AKAP19: variants seen among roughly 807,000 people sequenced by gnomAD.
AKAP19 encodes the protein A-kinase anchoring protein 19.
At chr2:189,944,760 C>T in the AKAP19 span, among the ~76,000 whole-genome samples, 1 of 152,148 alleles carries the variant, frequency 6.6e-6, no homozygotes, top group Non-Finnish European at 1.5e-5. Flanking sequence ...CTGACCTTTA[C>T]AGGACATTTC....
At chr2:190,191,928 CTG>C in the AKAP19 span, among the ~76,000 whole-genome samples, 2 of 150,912 alleles carry the variant, frequency 1.3e-5, no homozygotes, top group African/African-American at 4.9e-5. Context: ...AATCTTTTAA[CTG>C]TGTTTTTTTT....
the AKAP19 span, among the ~76,000 whole-genome samples, chr2:190,093,956 T>C: frequency 0.018 from 2,755 of 152,332 alleles, 78 homozygotes; most frequent in African/African-American, 0.06. Context: ...TCTGTCCTCA[T>C]CTGTCTTGTG....
the AKAP19 span, among the ~76,000 whole-genome samples, chr2:190,035,194 A>C: frequency 6.6e-6 from 1 of 152,102 alleles, no homozygotes. Context: ...TAATCCCAGC[A>C]CTTTGGGAGG....
the AKAP19 span, among the ~76,000 whole-genome samples, chr2:190,130,350 A>G: frequency 6.6e-6 from 1 of 152,242 alleles, no homozygotes; most frequent in Non-Finnish European, 1.5e-5. Context: ...TTGGGAACAA[A>G]TAAGGAGGAA....
chr2:190,155,920 A>G, the AKAP19 span, among the ~76,000 whole-genome samples: 133 of 152,198 alleles, frequency 8.7e-4, no homozygotes, highest in Admixed American at 1.7e-3. Flanking sequence ...CTTAGTATAA[A>G]AACATGAATG....
At chr2:190,019,397 TGGGTA>T in the AKAP19 span, among the ~76,000 whole-genome samples, 4 of 152,062 alleles carry the variant, frequency 2.6e-5, no homozygotes, top group Admixed American at 2.6e-4. Flanking sequence ...GTGGGGCCTT[TGGGTA>T]GGGTCAAAGA....
the AKAP19 span, among the ~76,000 whole-genome samples, chr2:189,881,928 C>T: frequency 6.6e-6 from 1 of 152,096 alleles, no homozygotes; most frequent in Non-Finnish European, 1.5e-5. Context: ...CTTGTTCTGA[C>T]TATTTGTATA....
At chr2:189,926,142 A>T in the AKAP19 span, among the ~76,000 whole-genome samples, 2 of 152,212 alleles carry the variant, frequency 1.3e-5, no homozygotes, top group African/African-American at 4.8e-5. Context: ...CAAGAGATAT[A>T]GGCATTTTTT....
chr2:189,909,788 G>C, the AKAP19 span, among the ~76,000 whole-genome samples: 1 of 152,038 alleles, frequency 6.6e-6, no homozygotes, highest in Non-Finnish European at 1.5e-5. Flanking sequence ...CGCTGATATG[G>C]TAAGGTGTAA....
the AKAP19 span, among the ~76,000 whole-genome samples, chr2:189,970,561 C>G: frequency 6.6e-6 from 1 of 152,236 alleles, no homozygotes; most frequent in East Asian, 1.9e-4. Flanking sequence ...ATGCATAACC[C>G]TATTTCATTC....
chr2:189,917,550 CTTCTT>C, the AKAP19 span: 1 of 534,780 alleles, frequency 1.9e-6, no homozygotes, highest in East Asian at 3.3e-5. Flanking sequence ...AGCTCTTACT[CTTCTT>C]TCTTTCTTAT....
the AKAP19 span, among the ~76,000 whole-genome samples, chr2:190,166,008 G>GT: frequency 6.6e-6 from 1 of 152,078 alleles, no homozygotes; most frequent in Non-Finnish European, 1.5e-5. Flanking sequence ...AAAAGAGTGA[G>GT]TTTACCACTT....
At chr2:190,180,465 G>A in the AKAP19 span, 3 of 985,490 alleles carry the variant, frequency 3.0e-6, no homozygotes, top group Non-Finnish European at 3.6e-6. The surrounding 1 kb of genome is among the most constrained non-coding windows in gnomAD (Gnocchi z 6.8). Flanking sequence ...CCAGCGAAAT[G>A]CCTCGCTGGC....
chr2:190,183,473 C>T, the AKAP19 span, among the ~76,000 whole-genome samples: 1 of 152,106 alleles, frequency 6.6e-6, no homozygotes, highest in Admixed American at 6.6e-5. Flanking sequence ...ATGAATGATT[C>T]TTAGCAAATT....
the AKAP19 span, among the ~76,000 whole-genome samples, chr2:190,003,339 A>C: frequency 1.3e-5 from 2 of 152,062 alleles, no homozygotes; most frequent in Non-Finnish European, 2.9e-5. Flanking sequence ...TCTATTACTT[A>C]TATCATTCTA....
chr2:190,142,670 C>T, the AKAP19 span, among the ~76,000 whole-genome samples: 2 of 152,228 alleles, frequency 1.3e-5, no homozygotes, highest in African/African-American at 4.8e-5. Context: ...TGAAGGGTTG[C>T]TTTGAGGCTA....
chr2:190,199,731 C>CATTG, the AKAP19 span: 1 of 1,492,332 alleles, frequency 6.7e-7, no homozygotes, highest in South Asian at 1.4e-5. Context: ...TGAAAGGGAA[C>CATTG]ATTGATTACT....
At chr2:190,006,515 T>C in the AKAP19 span, among the ~76,000 whole-genome samples, 3 of 151,418 alleles carry the variant, frequency 2.0e-5, no homozygotes, top group South Asian at 4.2e-4. Flanking sequence ...CTGGGCGTGA[T>C]GGCGGGTGCC....
chr2:190,027,723 T>C, the AKAP19 span, among the ~76,000 whole-genome samples: 8 of 152,214 alleles, frequency 5.3e-5, no homozygotes, highest in East Asian at 1.9e-4. Flanking sequence ...GTGAAACTGA[T>C]ATAAATGTCT....
Sources: gnomAD v4.1 joint callset for allele counts (sites outside exome capture counted in the v4.1 genomes callset) on GRCh38, gnomAD v4.1.1 for gene constraint, Gnocchi (gnomAD v3.1) non-coding constraint, MANE v1.5 for transcripts, NCBI Gene and HGNC (gene_info 2026-07-23, HGNC 2026-07-21) for gene names.